ST6GALNAC3: variants seen among roughly 807,000 people sequenced by gnomAD.
The protein encoded by ST6GALNAC3 is ST6 N-acetylgalactosaminide alpha-2,6-sialyltransferase 3.
A neutral mutation model predicts 32.7 loss-of-function variants in ST6GALNAC3; 25 were observed. The observed-to-expected ratio is 0.76, with a 90% CI of 0.56 to 1.07. The LOEUF (loss-of-function observed/expected upper bound fraction) is 1.07. Among genes scored for constraint, ST6GALNAC3 ranks in the 50% least tolerant of loss-of-function variants. The probability of loss-of-function intolerance (pLI) is 0.00; values close to 1 mark genes in which losing one functional copy is unlikely to be tolerated. For missense variants in ST6GALNAC3, 355 were observed against 382.4 expected, an observed-to-expected ratio of 0.93 and a Z score of 0.60; for synonymous variants, 129 against 133.1, an observed-to-expected ratio of 0.97 and a Z score of 0.21.
intron 1 of ST6GALNAC3, among the ~76,000 whole-genome samples, chr1:76,132,473 G>C (rs202043788): frequency 7.2e-5 from 11 of 152,138 alleles, no homozygotes; most frequent in Non-Finnish European, 4.4e-5. Flanking sequence ...CTCTAATTTA[G>C]GGGGTTCTCT....
chr1:76,367,335 C>A (rs1650453724), intron 2 of ST6GALNAC3, among the ~76,000 whole-genome samples: 1 of 152,010 alleles, frequency 6.6e-6, no homozygotes, highest in Non-Finnish European at 1.5e-5. Flanking sequence ...AAGGATCTTA[C>A]AGGAATGGGG....
chr1:76,077,282 T>C (rs2100710836), intron 1 of ST6GALNAC3, among the ~76,000 whole-genome samples: 1 of 152,306 alleles, frequency 6.6e-6, no homozygotes, highest in East Asian at 1.9e-4. Flanking sequence ...ATGAAATATT[T>C]TCTGCCATTT....
At chr1:76,182,257 A>G (rs551193324) in intron 1 of ST6GALNAC3, among the ~76,000 whole-genome samples, 2 of 152,332 alleles carry the variant, frequency 1.3e-5, no homozygotes, top group Non-Finnish European at 2.9e-5. Flanking sequence ...TTGTCCAATC[A>G]GCACCCAAAT....
At chr1:76,483,457 A>G (rs989545188) in intron 3 of ST6GALNAC3, among the ~76,000 whole-genome samples, 1 of 152,086 alleles carries the variant, frequency 6.6e-6, no homozygotes, top group Non-Finnish European at 1.5e-5. Context: ...GCTTTGATTT[A>G]CATTTCTCTG....
chr1:76,274,487 C>T (rs901149314), intron 1 of ST6GALNAC3, among the ~76,000 whole-genome samples: 2 of 152,080 alleles, frequency 1.3e-5, no homozygotes, highest in Non-Finnish European at 2.9e-5. Flanking sequence ...GATCAGCCTC[C>T]TCACCCATTA....
intron 2 of ST6GALNAC3, among the ~76,000 whole-genome samples, chr1:76,404,012 A>C (rs1223377603): frequency 2.0e-5 from 3 of 152,082 alleles, no homozygotes; most frequent in African/African-American, 7.2e-5. Context: ...TCCCTAGAGG[A>C]ACTTCCAAAT....
chr1:76,629,538 T>C lies in ST6GALNAC3; in HGVS notation c.*732T>C, dbSNP rs1649184777. On this transcript the variant is annotated 3_prime_UTR_variant, in exon 5 of 5. Coordinates refer to ENST00000328299, the MANE Select transcript of ST6GALNAC3 (RefSeq NM_152996.4). ...CCAACAGTATAACTGAACATGTGAT[T>C]AGAATGATCTATATTAATGTTTAGT... 1.0e-6 allele frequency: 1 copy of C among 984,864 alleles called. No individual in the cohort carries two copies. Among genetic ancestry groups the C allele is most frequent in the African/African-American group, 1.7e-5 (1 of 57,180 alleles). The allele number at this position is 984,864 out of a possible 1,614,324, so 61.0% of individuals were successfully genotyped here. A position where few individuals can be genotyped will look rare whatever the true frequency, so the allele number is the denominator to read the frequency against.
chr1:76,397,093 A>C (rs1194504000), intron 2 of ST6GALNAC3, among the ~76,000 whole-genome samples: 1 of 152,164 alleles, frequency 6.6e-6, no homozygotes, highest in Admixed American at 6.5e-5. Context: ...ATAATTATTC[A>C]AACGAGAAAG....
At chr1:76,357,433 C>T (rs142408514) in intron 2 of ST6GALNAC3, among the ~76,000 whole-genome samples, 112 of 152,284 alleles carry the variant, frequency 7.4e-4, no homozygotes, top group African/African-American at 2.6e-3. Context: ...TTTCCTAGCA[C>T]TCATCTTCAC....
chr1:76,416,934 GT>G (rs140507938), intron 3 of ST6GALNAC3, among the ~76,000 whole-genome samples: 2,112 of 151,840 alleles, frequency 0.014, 47 homozygotes, highest in African/African-American at 0.048. Context: ...CCAGCATTGT[GT>G]TTTTTTTCTT....
chr1:76,532,057 A>G (rs1663292185), intron 3 of ST6GALNAC3, among the ~76,000 whole-genome samples: 1 of 152,082 alleles, frequency 6.6e-6, no homozygotes, highest in Admixed American at 6.6e-5. Flanking sequence ...CTCTTTACTG[A>G]CTTCATCTGC....
chr1:76,141,779 T>A (rs1650341541), intron 1 of ST6GALNAC3, among the ~76,000 whole-genome samples: 1 of 152,176 alleles, frequency 6.6e-6, no homozygotes, highest in South Asian at 2.1e-4. Context: ...CACCTTAGCA[T>A]GTAATTCAGT....
chr1:76,401,400 C>T (rs1653405097), intron 2 of ST6GALNAC3, among the ~76,000 whole-genome samples: 1 of 152,190 alleles, frequency 6.6e-6, no homozygotes, highest in Non-Finnish European at 1.5e-5. Context: ...TTATAGTTTT[C>T]ATTTCCCTGC....
At chr1:76,580,875 G>T (rs974130913) in intron 3 of ST6GALNAC3, among the ~76,000 whole-genome samples, 7 of 151,886 alleles carry the variant, frequency 4.6e-5, no homozygotes, top group Admixed American at 2.6e-4. Flanking sequence ...ACTGTCCCTT[G>T]AATGGAAAAG....
intron 3 of ST6GALNAC3, among the ~76,000 whole-genome samples, chr1:76,574,098 G>C (rs965336853): frequency 6.6e-6 from 1 of 152,084 alleles, no homozygotes; most frequent in Admixed American, 6.6e-5. Context: ...AAATGGAAGA[G>C]AGAGAGTAGA....
At chr1:76,086,717 G>A (rs770849808) in intron 1 of ST6GALNAC3, among the ~76,000 whole-genome samples, 5 of 152,114 alleles carry the variant, frequency 3.3e-5, no homozygotes, top group Non-Finnish European at 7.4e-5. Context: ...AGAGTCCCGG[G>A]ATATAAGCCA....
chr1:76,140,399 G>A (rs1650237745), intron 1 of ST6GALNAC3, among the ~76,000 whole-genome samples: 3 of 152,118 alleles, frequency 2.0e-5, no homozygotes, highest in Non-Finnish European at 4.4e-5. Flanking sequence ...AAAGCTACCT[G>A]GAGCCTGATG....
chr1:76,634,393 C>T lies in ST6GALNAC3; in HGVS notation c.*5587C>T, dbSNP rs1253522603. ...ACTGAGTAAATACCCATTTCTGTTA[C>T]ATATGGTACATTTTTTGCTTCACTT... On this transcript the variant is annotated 3_prime_UTR_variant, in exon 5 of 5. Transcript: ENST00000328299. 2 of 154,108 alleles carry T rather than the reference C, an allele frequency of 1.3e-5. No individual in the cohort carries two copies. The highest frequency in any genetic ancestry group is 4.8e-5 in the African/African-American group (2 of 41,458). 9.5% of individuals were successfully genotyped at this position (154,108 alleles called of 1,614,324 possible). A position where few individuals can be genotyped will look rare whatever the true frequency, so the allele number is the denominator to read the frequency against.
rs568694243 is a variant in ST6GALNAC3, at chr1:76,278,223, C to CTTTTTTTTTTTT, written c.19-35578_19-35567dup. ...TGTATTCTCATTATTGCTAGGCATT[C>CTTTTTTTTTTTT]TTTTTTTTTTTTTTTGAGATGGAGT... On this transcript the variant is annotated intron_variant, in intron 1 of 4. Coordinates refer to ENST00000328299, the MANE Select transcript of ST6GALNAC3 (RefSeq NM_152996.4). Among the ~76,000 whole-genome samples, 100 of 113,724 alleles carry CTTTTTTTTTTTT rather than the reference C, an allele frequency of 8.8e-4. 5 individuals are homozygous for CTTTTTTTTTTTT. Among genetic ancestry groups the CTTTTTTTTTTTT allele is most frequent in the African/African-American group, 4.3e-3 (92 of 21,552 alleles). 74.6% of individuals were successfully genotyped at this position (113,724 alleles called of 152,430 possible). A position where few individuals can be genotyped will look rare whatever the true frequency, so the allele number is the denominator to read the frequency against.
Sources: gnomAD v4.1 joint callset for allele counts (sites outside exome capture counted in the v4.1 genomes callset) on GRCh38, gnomAD v4.1.1 for gene constraint, MANE v1.5 for transcripts, NCBI Gene and HGNC (gene_info 2026-07-23, HGNC 2026-07-21) for gene names.